Variants in TULP3 observed in about 807,000 individuals in gnomAD.
The protein encoded by TULP3 is TUB like protein 3.
A neutral mutation model predicts 50.7 loss-of-function variants in TULP3; 38 were observed. The observed-to-expected ratio is 0.75, with a 90% CI of 0.58 to 0.98. The LOEUF (loss-of-function observed/expected upper bound fraction) is 0.98. Ranked by LOEUF, TULP3 falls within the 50% of genes least tolerant of loss-of-function variation. The probability of loss-of-function intolerance (pLI) is 0.00; values close to 1 mark genes in which losing one functional copy is unlikely to be tolerated. For synonymous variants in TULP3, 183 were observed against 196.6 expected, an observed-to-expected ratio of 0.93 and a Z score of 0.58; for missense variants, 550 against 568.0, an observed-to-expected ratio of 0.97 and a Z score of 0.32.
Position 2,931,105 on chromosome 12 carries a change from C to T in TULP3, c.561C>T (p.Asp187=). 1.2e-6 allele frequency: 2 copies of T among 1,614,134 alleles called. No homozygotes were observed. The highest frequency in any genetic ancestry group is 1.7e-6 in the Non-Finnish European group (2 of 1,180,046). Residue 187 remains aspartate (D), a synonymous_variant, in exon 6 of 11, where the codon GAC becomes GAT. Coordinates refer to ENST00000448120, the MANE Select transcript of TULP3 (RefSeq NM_003324.5). ...PADNLLGDID[D]LEDFVYSPAP... is the part of the protein sequence containing the mutation. ...ATAACCTCCTGGGAGACATAGACGA[C>T]CTGGAGGACTTTGTGTATAGTCCTG...
At position 2,909,484 on chromosome 12, in the gene TULP3, C is replaced by T. The variant is rs564572813; in HGVS notation, c.42-45C>T. Reference sequence around the variant, plus strand: ...ACATAAAAAGATGAAATTGACAAGGCGTTTTCTTTTTATATACTTGCTTTA... The same window carrying T: ...ACATAAAAAGATGAAATTGACAAGGTGTTTTCTTTTTATATACTTGCTTTA... On this transcript the variant is annotated intron_variant, in intron 1 of 10. Transcript: ENST00000448120. 3.9e-5 allele frequency: 60 copies of T among 1,521,502 alleles called. No individual in the cohort carries two copies. In the African/African-American group the frequency reaches 6.5e-4, roughly 16 times the overall value. The allele number at this position is 1,521,502 out of a possible 1,614,324, so 94.3% of individuals were successfully genotyped here. A position where few individuals can be genotyped will look rare whatever the true frequency, so the allele number is the denominator to read the frequency against.
At chr12:2,914,478 A>G (rs1330391074) in intron 2 of TULP3, among the ~76,000 whole-genome samples, 1 of 152,228 alleles carries the variant, frequency 6.6e-6, no homozygotes, top group East Asian at 1.9e-4. Flanking sequence ...ACTAGAACAT[A>G]TTTCTTCTGT....
rs1278516934 is a variant in TULP3 at position 2,909,555 on chromosome 12, TGC to T, written c.70_71del (p.Arg24ThrfsTer3). On this transcript the variant is annotated frameshift_variant, in exon 2 of 11. Transcript: ENST00000448120. LOFTEE classifies it high-confidence loss of function. ...GTCTTCCATGAAGAAATGATGAAGA[TGC>T]GACAGGCTAAGCTGGATTATCAGGT... 1.3e-6 allele frequency: 2 copies of T among 1,576,638 alleles called. No individual in the cohort carries two copies. The highest frequency in any genetic ancestry group is 1.7e-6 in the Non-Finnish European group (2 of 1,169,502).
At chr12:2,929,243 G>A (rs1047428925) in intron 4 of TULP3, among the ~76,000 whole-genome samples, 4 of 151,912 alleles carry the variant, frequency 2.6e-5, no homozygotes, top group South Asian at 2.1e-4. Flanking sequence ...CGTGAACCCG[G>A]GAGGCGGAGC....
chr12:2,919,894 A>C (rs1360089913), intron 2 of TULP3, among the ~76,000 whole-genome samples: 2 of 151,736 alleles, frequency 1.3e-5, no homozygotes, highest in Non-Finnish European at 2.9e-5. Flanking sequence ...CTCACCCTTG[A>C]TCCAAATTTG....
chr12:2,907,660 A>AT (rs1565499305), intron 1 of TULP3, among the ~76,000 whole-genome samples: 1,789 of 47,192 alleles, frequency 0.038, 41 homozygotes, highest in African/African-American at 0.16. Flanking sequence ...AAAAAAAAAA[A>AT]ATTTTTTATT....
At chr12:2,892,677 A>G (rs1483110682) in intron 1 of TULP3, among the ~76,000 whole-genome samples, 1 of 151,560 alleles carries the variant, frequency 6.6e-6, no homozygotes, top group African/African-American at 2.4e-5. Context: ...ACGCCCAGCT[A>G]ATTTTTGTAT....
At chr12:2,911,114 A>G (rs781703847) in intron 2 of TULP3, among the ~76,000 whole-genome samples, 1 of 151,988 alleles carries the variant, frequency 6.6e-6, no homozygotes, top group African/African-American at 2.4e-5. Flanking sequence ...AGGTGGCCCT[A>G]ATATTTTGTA....
At chr12:2,897,977 C>T (rs1476395545) in intron 1 of TULP3, among the ~76,000 whole-genome samples, 2 of 148,650 alleles carry the variant, frequency 1.3e-5, no homozygotes, top group Non-Finnish European at 3.0e-5. Context: ...ACTTGGGAGG[C>T]TGAGGCATGA....
chr12:2,937,365 T>C (rs35164371), intron 8 of TULP3, among the ~76,000 whole-genome samples: 30,860 of 150,546 alleles, frequency 0.2, 3,239 homozygotes, highest in South Asian at 0.27. Flanking sequence ...TACAGGCGCC[T>C]GCCACCACGC....
intron 7 of TULP3, 21 bp from the exon 8 acceptor site, chr12:2,934,426 G>T: frequency 6.7e-7 from 1 of 1,491,462 alleles, no homozygotes; most frequent in South Asian, 1.3e-5. Context: ...TCATCATGGT[G>T]ACTTTTTCTC....
intron 2 of TULP3, among the ~76,000 whole-genome samples, chr12:2,918,582 A>G (rs898269388): frequency 3.3e-5 from 5 of 151,366 alleles, no homozygotes; most frequent in Non-Finnish European, 5.9e-5. Context: ...CTGTTGTTGC[A>G]CAGGCTGGAG....
At chr12:2,917,950 G>A (rs1194237892) in intron 2 of TULP3, among the ~76,000 whole-genome samples, 2 of 151,738 alleles carry the variant, frequency 1.3e-5, no homozygotes, top group East Asian at 4.0e-4. Flanking sequence ...TTAGCTGGGT[G>A]TGGTGGCAGG....
At chr12:2,920,641 T>TG in intron 2 of TULP3, 122 bp from the exon 3 acceptor site, 1 of 1,246,446 alleles carries the variant, frequency 8.0e-7, no homozygotes, top group Non-Finnish European at 1.1e-6. Flanking sequence ...ATTTCTTAAA[T>TG]GGGGAAAAAA....
chr12:2,934,597 C>T (rs375879391), intron 8 of TULP3, 36 bp downstream of exon 8: 1 of 1,414,544 alleles, frequency 7.1e-7, no homozygotes, highest in Non-Finnish European at 9.6e-7. Flanking sequence ...TGCCTGCCCT[C>T]CTGGTGTCCT....
rs1405876245 is a variant in TULP3 at position 2,934,551 on chromosome 12, C to T, written c.914C>T (p.Ala305Val). 2 of 1,590,238 alleles carry T rather than the reference C, an allele frequency of 1.3e-6. No individual in the cohort carries two copies. The highest frequency in any genetic ancestry group is 1.7e-6 in the Non-Finnish European group (2 of 1,169,048). The change falls in exon 8 of 11, where the codon GCC becomes GTC. Residue 305 changes from alanine (A) to valine (V), a missense_variant. Physicochemically the swap from Ala to Val is moderately conservative, Grantham distance 64 (BLOSUM62 0). Transcript: ENST00000448120. ...GCCCACACCCGGCAGGAGCTGGCTG[C>T]CATCTCCTATGTGAGTGCTGCTTTC... ...GAAHTRQELAAISYETNVLGF... is the reference protein window; with the variant it reads ...GAAHTRQELAVISYETNVLGF...
In TULP3 at chr12:2,937,808, A is replaced by G. The variant is rs904485404; in HGVS notation, c.1023+79A>G. ...TACACAGAGATTAATACAAAAAAAAAAAAAAAGATTGAGCTTCCAGAGCCC... is the reference window on the plus strand; with the variant it reads ...TACACAGAGATTAATACAAAAAAAAGAAAAAAGATTGAGCTTCCAGAGCCC... On this transcript the variant is annotated intron_variant, in intron 9 of 10. Transcript: ENST00000448120. 10 of 1,228,320 alleles carry G rather than the reference A, an allele frequency of 8.1e-6. No individual in the cohort carries two copies. In the African/African-American group the frequency reaches 1.2e-4, roughly 15 times the overall value. The allele number at this position is 1,228,320 out of a possible 1,614,324, so 76.1% of individuals were successfully genotyped here. A position where few individuals can be genotyped will look rare whatever the true frequency, so the allele number is the denominator to read the frequency against.
intron 1 of TULP3, among the ~76,000 whole-genome samples, chr12:2,901,613 C>T (rs1006578378): frequency 6.6e-6 from 1 of 151,860 alleles, no homozygotes; most frequent in African/African-American, 2.4e-5. Flanking sequence ...CAGCTCCTGG[C>T]CTCAAGTCAT....
chr12:2,922,233 T>G, intron 3 of TULP3, 29 bp from the exon 4 acceptor site: 1 of 1,604,260 alleles, frequency 6.2e-7, no homozygotes, highest in Non-Finnish European at 8.5e-7. Context: ...TTGCTCCTTT[T>G]TTAAAATTCA....
Sources: gnomAD v4.1 joint callset for allele counts (sites outside exome capture counted in the v4.1 genomes callset) on GRCh38, gnomAD v4.1.1 for gene constraint, MANE v1.5 for transcripts, NCBI Gene and HGNC (gene_info 2026-07-23, HGNC 2026-07-21) for gene names.